The following CCSAP variants were observed in gnomAD, a reference collection of about 807,000 sequenced individuals.
The protein encoded by CCSAP is centriole, cilia and spindle associated protein.
Under a neutral mutation model 25.9 loss-of-function variants are expected in CCSAP, and 17 were observed. The observed-to-expected ratio is 0.66, with a 90% confidence interval of 0.45 to 0.99. The LOEUF (loss-of-function observed/expected upper bound fraction) is 0.99. CCSAP is among the 50% of genes least tolerant of loss of function. CCSAP has a pLI of 0.00. For synonymous variants in CCSAP, 169 were observed against 157.1 expected (o/e 1.08, Z -0.57); for missense variants, 339 against 367.8 (o/e 0.92, Z 0.64).
At chr1:229,337,696 TATACACATAC>T (rs1658225934) in intron 2 of CCSAP, among the ~76,000 whole-genome samples, 1 of 56,320 alleles carries the variant, frequency 1.8e-5, no homozygotes, top group East Asian at 3.5e-4. Flanking sequence ...TATATATATA[TATACACATAC>T]ATATATATAT....
At chr1:229,330,615 G>T (rs1467798013) in intron 2 of CCSAP, among the ~76,000 whole-genome samples, 1 of 152,202 alleles carries the variant, frequency 6.6e-6, no homozygotes, top group Non-Finnish European at 1.5e-5. Context: ...GGCCGAGGCG[G>T]GCGGATCACG....
chr1:229,342,280 C>CGG lies in CCSAP; in HGVS notation c.185_186insCC (p.Ser63ArgfsTer24). The CGG allele has an allele frequency of 7.3e-7, 1 of 1,366,596 alleles. No homozygotes were observed. The highest frequency in any genetic ancestry group is 9.4e-7 in the Non-Finnish European group (1 of 1,059,536). 84.7% of individuals were successfully genotyped at this position (1,366,596 alleles called of 1,614,324 possible). A position where few individuals can be genotyped will look rare whatever the true frequency, so the allele number is the denominator to read the frequency against. On this transcript the variant is annotated frameshift_variant, in exon 2 of 4. Coordinates refer to ENST00000284617, the MANE Select transcript of CCSAP (RefSeq NM_145257.5). LOFTEE classifies it high-confidence loss of function. The surrounding 1 kb of genome is among the most constrained non-coding windows in gnomAD (Gnocchi z 7.5). ...CCCCGGCGCCCGACGACTCTGACGA[C>CGG]GCCGAGTCCTCCGAGGAGCCGGCCG... is the stretch of plus-strand genomic sequence containing the variant.
intron 2 of CCSAP, among the ~76,000 whole-genome samples, chr1:229,333,431 G>GAAAAAAAAAAAAAAAAAAA (rs368401348): frequency 1.4e-5 from 1 of 70,500 alleles, no homozygotes. Flanking sequence ...AGACTCCATC[G>GAAAAAAAAAAAAAAAAAAA]AAAAAAAAAA....
intron 2 of CCSAP, among the ~76,000 whole-genome samples, chr1:229,329,099 C>G (rs10916465): frequency 0.19 from 28,444 of 152,130 alleles, 2,683 homozygotes; most frequent in Non-Finnish European, 0.21. Flanking sequence ...AGGACCAAGA[C>G]TAAAGGGAAA....
At chr1:229,339,374 A>G (rs1452445598) in intron 2 of CCSAP, among the ~76,000 whole-genome samples, 2 of 152,228 alleles carry the variant, frequency 1.3e-5, no homozygotes, top group Non-Finnish European at 1.5e-5. Context: ...CAGAGTTTCT[A>G]CGGACAACTG....
At chr1:229,331,965 C>T (rs539882417) in intron 2 of CCSAP, among the ~76,000 whole-genome samples, 2 of 152,170 alleles carry the variant, frequency 1.3e-5, no homozygotes, top group South Asian at 4.1e-4. Flanking sequence ...ACCTCAGCCT[C>T]CCAAATAGCT....
chr1:229,336,834 A>G (rs975351150), intron 2 of CCSAP, among the ~76,000 whole-genome samples: 1 of 152,324 alleles, frequency 6.6e-6, no homozygotes, highest in Non-Finnish European at 1.5e-5. Flanking sequence ...TGAAAACAGA[A>G]TGCTATTTTT....
At chr1:229,326,064 T>A (rs1287202410) in intron 3 of CCSAP, among the ~76,000 whole-genome samples, 3 of 152,216 alleles carry the variant, frequency 2.0e-5, no homozygotes, top group African/African-American at 7.2e-5. Flanking sequence ...GCCTTTGCTT[T>A]AGGCTATCAT....
Position 229,321,962 on chromosome 1 carries a change from A to G in CCSAP, c.*3273T>C, listed in dbSNP as rs929756698. ...ACTATTTACAGAGCATTTACATTGT[A>G]TTAGGTATTTTAAGTAATCTAGAGA... is the stretch of plus-strand genomic sequence containing the variant. On this transcript the variant is annotated 3_prime_UTR_variant, in exon 4 of 4. Transcript: ENST00000284617. 1.3e-5 allele frequency: 2 copies of G among 152,210 alleles called. No individual in the cohort carries two copies. The highest frequency in any genetic ancestry group is 4.8e-5 in the African/African-American group (2 of 41,450). The allele number at this position is 152,210 out of a possible 1,614,324, so 9.4% of individuals were successfully genotyped here. A position where few individuals can be genotyped will look rare whatever the true frequency, so the allele number is the denominator to read the frequency against.
chr1:229,326,948 A>C lies in CCSAP; in HGVS notation c.426T>G (p.Thr142=). The change falls in exon 3 of 4, where the codon ACT becomes ACG. Residue 142 remains threonine (T), a synonymous_variant. Coordinates refer to ENST00000284617, the MANE Select transcript of CCSAP (RefSeq NM_145257.5). ...KPEQQTRTRE[T]DKSPTSTEPR... ...GCTCAGTACTGGTGGGTGATTTGTC[A>C]GTCTCTCTTGTTCTGGTTTGTTGTT... 1.2e-6 allele frequency: 2 copies of C among 1,614,196 alleles called. No homozygotes were observed. The highest frequency in any genetic ancestry group is 2.2e-5 in the South Asian group (2 of 91,078).
Position 229,341,211 on chromosome 1 carries a change from A to AAAAAAAC in CCSAP, c.367+887_367+888insGTTTTTT, listed in dbSNP as rs1316475495. On this transcript the variant is annotated intron_variant, in intron 2 of 3. Transcript: ENST00000284617. ...TCCGTCTCAAAAAAAAAAAAAAAAA[A>AAAAAAAC]AGATTACAACATGGTCTCTTTTGGG... 2.2e-3 allele frequency among the ~76,000 whole-genome samples: 327 copies of AAAAAAAC among 151,932 alleles called. 2 individuals carry two copies. Among genetic ancestry groups the AAAAAAAC allele is most frequent in the Non-Finnish European group, 3.5e-3 (237 of 67,884 alleles).
chr1:229,336,013 G>C (rs1658187546), intron 2 of CCSAP, among the ~76,000 whole-genome samples: 1 of 151,544 alleles, frequency 6.6e-6, no homozygotes, highest in Admixed American at 6.6e-5. Context: ...AATTGTATTA[G>C]GTATTATAAG....
Position 229,342,621 on chromosome 1 carries a change from C to A in CCSAP, c.-48-108G>T, listed in dbSNP as rs1053308555. 12 of 444,342 alleles carry A rather than the reference C, an allele frequency of 2.7e-5. No homozygotes were observed. The highest frequency in any genetic ancestry group is 2.5e-4 in the African/African-American group (12 of 48,970). The allele number at this position is 444,342 out of a possible 1,614,324, so 27.5% of individuals were successfully genotyped here. A position where few individuals can be genotyped will look rare whatever the true frequency, so the allele number is the denominator to read the frequency against. ...GCCCGGACGGGAGCAGGGGGCGGGT[C>A]CCGGCGAGGGCGGGGAGGGGGCGGG... On this transcript the variant is annotated intron_variant, in intron 1 of 3. Coordinates refer to ENST00000284617, the MANE Select transcript of CCSAP (RefSeq NM_145257.5). This position sits in a 1 kb window ranked among gnomAD's most constrained non-coding sequence, Gnocchi z 7.5.
In CCSAP at chr1:229,342,697, G is replaced by A. The variant is rs932330390; in HGVS notation, c.-48-184C>T. Among the ~76,000 whole-genome samples, 22 of 152,002 alleles carry A rather than the reference G, an allele frequency of 1.4e-4. No homozygotes were observed. Among genetic ancestry groups the A allele is most frequent in the Admixed American group, 1.4e-3 (21 of 15,274 alleles). On this transcript the variant is annotated intron_variant, in intron 1 of 3. Coordinates refer to ENST00000284617, the MANE Select transcript of CCSAP (RefSeq NM_145257.5). The surrounding 1 kb of genome is among the most constrained non-coding windows in gnomAD (Gnocchi z 7.5). ...GGGACCAAGAGCAGAGGCGGGGACCGGGGCTGCTGGGGTCGAGGGGCGCGC... is the reference window on the plus strand; with the variant it reads ...GGGACCAAGAGCAGAGGCGGGGACCAGGGCTGCTGGGGTCGAGGGGCGCGC...
intron 2 of CCSAP, among the ~76,000 whole-genome samples, chr1:229,332,290 C>A (rs761992972): frequency 6.6e-6 from 1 of 151,968 alleles, no homozygotes; most frequent in Non-Finnish European, 1.5e-5. Flanking sequence ...CCTCGACTTT[C>A]GACTGGTGGG....
rs71561730 is a variant in CCSAP, at chr1:229,341,193, C to CAAAAAAAAAAAAAAAAAAAAAA, written c.367+905_367+906insTTTTTTTTTTTTTTTTTTTTTT. On this transcript the variant is annotated intron_variant, in intron 2 of 3. Coordinates refer to ENST00000284617, the MANE Select transcript of CCSAP (RefSeq NM_145257.5). ...TGGGCCACAGAGCGAGACTCCGTCTCAAAAAAAAAAAAAAAAAAAGATTAC... is the reference window on the plus strand; with the variant it reads ...TGGGCCACAGAGCGAGACTCCGTCTCAAAAAAAAAAAAAAAAAAAAAAAAAAAAAAAAAAAAAAAAAGATTAC... Among the ~76,000 whole-genome samples, 44 of 91,104 alleles carry CAAAAAAAAAAAAAAAAAAAAAA rather than the reference C, an allele frequency of 4.8e-4. 1 individual carries two copies. The highest frequency in any genetic ancestry group is 2.1e-3 in the African/African-American group (43 of 20,788). The allele number at this position is 91,104 out of a possible 152,430, so 59.8% of individuals were successfully genotyped here. A position where few individuals can be genotyped will look rare whatever the true frequency, so the allele number is the denominator to read the frequency against.
In CCSAP at chr1:229,342,399, A is replaced by G; in HGVS notation, c.67T>C (p.Tyr23His). Residue 23 changes from tyrosine to histidine, a missense_variant, in exon 2 of 4, where the codon TAC (tyrosine) becomes CAC (histidine). Coordinates refer to ENST00000284617, the MANE Select transcript of CCSAP (RefSeq NM_145257.5). This position sits in a 1 kb window ranked among gnomAD's most constrained non-coding sequence, Gnocchi z 7.5. Reference sequence around the variant, plus strand: ...AGCAGCTCGCGGTAGCACGGCCCGTACTCCTCCCAGCGCGGCTCCTGGTAG... The same window carrying G: ...AGCAGCTCGCGGTAGCACGGCCCGTGCTCCTCCCAGCGCGGCTCCTGGTAG... ...KRYQEPRWEE[Y>H]GPCYRELLHY... 1.4e-6 allele frequency: 2 copies of G among 1,480,918 alleles called. No individual in the cohort carries two copies. Among genetic ancestry groups the G allele is most frequent in the Non-Finnish European group, 1.8e-6 (2 of 1,111,844 alleles). 91.7% of individuals were successfully genotyped at this position (1,480,918 alleles called of 1,614,324 possible). A position where few individuals can be genotyped will look rare whatever the true frequency, so the allele number is the denominator to read the frequency against.
In CCSAP at chr1:229,342,966, G is replaced by A. The variant is rs1658379599; in HGVS notation, c.-103C>T. ...TGCGCCCAGGCCCGAGGCGCGCGTGGCGCAGCAGCTAAAGCGCAGCTCGCT... is the reference window on the plus strand; with the variant it reads ...TGCGCCCAGGCCCGAGGCGCGCGTGACGCAGCAGCTAAAGCGCAGCTCGCT... On this transcript the variant is annotated 5_prime_UTR_variant, in exon 1 of 4. Coordinates refer to ENST00000284617, the MANE Select transcript of CCSAP (RefSeq NM_145257.5). This position sits in a 1 kb window ranked among gnomAD's most constrained non-coding sequence, Gnocchi z 7.5. The A allele has an allele frequency of 6.6e-6, 1 of 152,590 alleles. No homozygotes were observed. Among genetic ancestry groups the A allele is most frequent in the Admixed American group, 6.5e-5 (1 of 15,280 alleles). 9.5% of individuals were successfully genotyped at this position (152,590 alleles called of 1,614,324 possible). A position where few individuals can be genotyped will look rare whatever the true frequency, so the allele number is the denominator to read the frequency against.
At chr1:229,337,698 T>TATAGAC (rs1473619585) in intron 2 of CCSAP, among the ~76,000 whole-genome samples, 1 of 60,720 alleles carries the variant, frequency 1.6e-5, no homozygotes, top group Non-Finnish European at 3.5e-5. Flanking sequence ...TATATATATA[T>TATAGAC]ACACATACAT....
Sources: allele counts gnomAD v4.1 joint callset (sites outside exome capture counted in the v4.1 genomes callset), GRCh38; gene constraint gnomAD v4.1.1; non-coding constraint Gnocchi (gnomAD v3.1); transcripts MANE v1.5; gene names NCBI Gene and HGNC (gene_info 2026-07-23, HGNC 2026-07-21).